The following ELMO1 variants were observed in gnomAD, a reference collection of about 807,000 sequenced individuals.
The protein encoded by ELMO1 is engulfment and cell motility protein 1.
ELMO1 carries 26 observed loss-of-function variants against 98.9 expected under a neutral mutation model. That is an observed-to-expected ratio of 0.26 (90% confidence interval 0.19 to 0.36). The LOEUF (loss-of-function observed/expected upper bound fraction) is 0.36, where lower values mean the gene tolerates loss of function less well. Among genes scored for constraint, ELMO1 ranks in the 10% least tolerant of loss-of-function variants. ELMO1 has a pLI of 1.00. For synonymous variants in ELMO1, 346 were observed against 346.0 expected, an observed-to-expected ratio of 1.00 and a Z score of 0.00; for missense variants, 627 against 935.2, an observed-to-expected ratio of 0.67 and a Z score of 4.30.
chr7:37,070,366 T>G (rs990276288), intron 15 of ELMO1, among the ~76,000 whole-genome samples: 1 of 152,220 alleles, frequency 6.6e-6, no homozygotes, highest in Non-Finnish European at 1.5e-5. Flanking sequence ...AAAATTCATA[T>G]GAAGATGCAA....
chr7:36,860,526 C>T (rs1235941221), intron 21 of ELMO1, among the ~76,000 whole-genome samples: 2 of 152,090 alleles, frequency 1.3e-5, no homozygotes, highest in Non-Finnish European at 2.9e-5. Context: ...TCTGGCAGTC[C>T]CAGAGCATTT....
rs552755097 is a variant in ELMO1, at chr7:36,900,564, A to C, written c.1438-5547T>G. On this transcript the variant is annotated intron_variant, in intron 16 of 21. Coordinates refer to ENST00000310758, the MANE Select transcript of ELMO1 (RefSeq NM_014800.11). ...CCGTGGGATGGCATCTTAGGGCTCC[A>C]GAGGTCATTTTGGGCTTGCTTCCAG... Among the ~76,000 whole-genome samples the C allele has an allele frequency of 2.0e-5, 3 of 152,320 alleles. No individual in the cohort carries two copies. The East Asian group carries it at 5.8e-4, about 29-fold the overall frequency.
chr7:36,898,811 G>A (rs765924440), intron 16 of ELMO1, among the ~76,000 whole-genome samples: 12 of 152,192 alleles, frequency 7.9e-5, no homozygotes, highest in Non-Finnish European at 2.9e-5. Flanking sequence ...CGCGACACTG[G>A]AGGCCCTGTG....
At chr7:37,248,868 T>A (rs77425475) in intron 6 of ELMO1, among the ~76,000 whole-genome samples, 183 of 152,394 alleles carry the variant, frequency 1.2e-3, no homozygotes, top group Middle Eastern at 3.4e-3. Context: ...GCTGATCATC[T>A]GTGTCCTTGG....
chr7:37,427,419 G>A (rs1313247469), intron 1 of ELMO1, among the ~76,000 whole-genome samples: 5 of 152,222 alleles, frequency 3.3e-5, no homozygotes, highest in Non-Finnish European at 7.3e-5. Context: ...ACCTCAGTCT[G>A]GGTCAGCAGT....
chr7:37,356,740 C>A (rs1188174549), intron 1 of ELMO1, among the ~76,000 whole-genome samples: 1 of 150,852 alleles, frequency 6.6e-6, no homozygotes, highest in Admixed American at 6.6e-5. Context: ...GCACATGTAT[C>A]CCAGAACTTA....
intron 16 of ELMO1, among the ~76,000 whole-genome samples, chr7:36,959,812 C>T (rs544204059): frequency 6.6e-6 from 1 of 152,292 alleles, no homozygotes; most frequent in East Asian, 1.9e-4. Context: ...TCCCGAGTAG[C>T]TGGGATTACA....
At chr7:37,438,674 T>C (rs1805265751) in intron 1 of ELMO1, among the ~76,000 whole-genome samples, 1 of 151,754 alleles carries the variant, frequency 6.6e-6, no homozygotes, top group East Asian at 1.9e-4. Flanking sequence ...GCTTTTAGGG[T>C]ACTCTACTTT....
intron 16 of ELMO1, among the ~76,000 whole-genome samples, chr7:36,975,502 G>A (rs1161430701): frequency 6.6e-6 from 1 of 151,890 alleles, no homozygotes; most frequent in Admixed American, 6.5e-5. Flanking sequence ...CATCAAAGTT[G>A]AAATAGTTTC....
chr7:37,166,082 G>C (rs370411643), intron 13 of ELMO1, among the ~76,000 whole-genome samples: 37 of 152,236 alleles, frequency 2.4e-4, no homozygotes, highest in African/African-American at 7.5e-4. Flanking sequence ...TGTATGTGTC[G>C]AGGAATTTAT....
intron 4 of ELMO1, among the ~76,000 whole-genome samples, chr7:37,289,349 C>G (rs1039245400): frequency 1.3e-5 from 2 of 152,124 alleles, no homozygotes; most frequent in African/African-American, 4.8e-5. Context: ...TATGGGCACA[C>G]TTATTATTAA....
chr7:37,339,526 C>T (rs1433862270), intron 2 of ELMO1, among the ~76,000 whole-genome samples: 1 of 152,156 alleles, frequency 6.6e-6, no homozygotes, highest in East Asian at 1.9e-4. Context: ...GGGAGAGAGG[C>T]AGGTTATGTG....
chr7:37,193,008 T>TACACAC (rs10592735), intron 13 of ELMO1, among the ~76,000 whole-genome samples: 1 of 125,100 alleles, frequency 8.0e-6, no homozygotes, highest in African/African-American at 3.2e-5. Flanking sequence ...TATATATATA[T>TACACAC]ACACACACAC....
intron 16 of ELMO1, among the ~76,000 whole-genome samples, chr7:36,974,362 A>G (rs1014293028): frequency 5.9e-5 from 9 of 152,130 alleles, no homozygotes; most frequent in South Asian, 4.1e-4. Flanking sequence ...TGTCTAGCTC[A>G]GGGATTGTAA....
chr7:36,871,580 T>C (rs1299261430), intron 19 of ELMO1, among the ~76,000 whole-genome samples: 3 of 152,210 alleles, frequency 2.0e-5, no homozygotes, highest in Admixed American at 6.5e-5. Flanking sequence ...TGTGTGAGAA[T>C]GCCAAGTAAT....
intron 6 of ELMO1, among the ~76,000 whole-genome samples, chr7:37,244,837 G>A (rs1256228988): frequency 1.3e-5 from 2 of 151,988 alleles, no homozygotes; most frequent in African/African-American, 4.8e-5. Flanking sequence ...TTCTCTCTCA[G>A]GTGGCTTCTT....
rs182488213 is a variant in ELMO1, at chr7:37,079,833, A to G, written c.1300+16786T>C. On this transcript the variant is annotated intron_variant, in intron 15 of 21. Transcript: ENST00000310758. ...AAATCTTGGGGTGCTCTAGGCATCA[A>G]TTCTAGGGCCTCTTCAATGCTTTCA... Among the ~76,000 whole-genome samples, 3 of 152,232 alleles carry G rather than the reference A, an allele frequency of 2.0e-5. No individual in the cohort carries two copies. The East Asian group carries it at 5.8e-4, about 29-fold the overall frequency.
intron 16 of ELMO1, among the ~76,000 whole-genome samples, chr7:36,902,733 A>G (rs184836333): frequency 6.6e-6 from 1 of 152,312 alleles, no homozygotes; most frequent in Admixed American, 6.5e-5. Flanking sequence ...TGTAGCAATG[A>G]TCAAAATAAT....
intron 16 of ELMO1, among the ~76,000 whole-genome samples, chr7:37,008,249 A>G (rs1366232593): frequency 6.6e-6 from 1 of 152,220 alleles, no homozygotes; most frequent in Non-Finnish European, 1.5e-5. Flanking sequence ...GCAACTAGTA[A>G]TTGTTGGGGA....
Sources: allele counts gnomAD v4.1 joint callset (sites outside exome capture counted in the v4.1 genomes callset), GRCh38; gene constraint gnomAD v4.1.1; transcripts MANE v1.5; gene names NCBI Gene and HGNC (gene_info 2026-07-23, HGNC 2026-07-21).